DTNB: variants seen among roughly 807,000 people sequenced by gnomAD.
DTNB encodes the protein dystrobrevin beta.
In DTNB, 63 loss-of-function variants were observed where a neutral mutation model predicts 90.7. The observed-to-expected ratio is 0.69, with a 90% CI of 0.57 to 0.86. DTNB has a LOEUF of 0.86. Ranked by LOEUF, DTNB falls within the 40% of genes least tolerant of loss-of-function variation. The probability of loss-of-function intolerance (pLI) is 0.00; values close to 1 mark genes in which losing one functional copy is unlikely to be tolerated. For synonymous variants in DTNB, 277 were observed against 286.7 expected (o/e 0.97, Z 0.34); for missense variants, 744 against 807.1 (o/e 0.92, Z 0.95).
At chr2:25,453,769 C>T (rs1480849719) in intron 11 of DTNB, among the ~76,000 whole-genome samples, 5 of 152,196 alleles carry the variant, frequency 3.3e-5, no homozygotes, top group Non-Finnish European at 5.9e-5. Flanking sequence ...TGAGGAGACA[C>T]TCTGTGATGC....
chr2:25,644,961 G>C (rs779585040), intron 2 of DTNB, among the ~76,000 whole-genome samples: 69 of 152,024 alleles, frequency 4.5e-4, no homozygotes, highest in Non-Finnish European at 5.4e-4. Context: ...CTCAGTGGGT[G>C]AACTAGGAAA....
At chr2:25,662,369 A>G (rs530945442) in intron 1 of DTNB, among the ~76,000 whole-genome samples, 9 of 152,226 alleles carry the variant, frequency 5.9e-5, no homozygotes, top group Non-Finnish European at 1.2e-4. Flanking sequence ...GCAGGGCTAC[A>G]TTTATCGAGA....
chr2:25,550,725 C>T (rs2083465979), intron 8 of DTNB, among the ~76,000 whole-genome samples: 1 of 152,176 alleles, frequency 6.6e-6, no homozygotes, highest in Non-Finnish European at 1.5e-5. Flanking sequence ...TCTTGGCTCA[C>T]TGCAACCTCC....
intron 9 of DTNB, among the ~76,000 whole-genome samples, chr2:25,516,077 A>G (rs2075062498): frequency 1.3e-5 from 2 of 152,240 alleles, no homozygotes; most frequent in African/African-American, 4.8e-5. Context: ...AAGGTACTCA[A>G]TATCATTAGT....
chr2:25,669,656 C>A (rs1479411077), intron 1 of DTNB, among the ~76,000 whole-genome samples: 1 of 152,194 alleles, frequency 6.6e-6, no homozygotes, highest in Admixed American at 6.5e-5. Context: ...CCCAACTGTT[C>A]CTCAGTGAGT....
chr2:25,659,189 G>A (rs540771698), intron 1 of DTNB, among the ~76,000 whole-genome samples: 28 of 152,250 alleles, frequency 1.8e-4, no homozygotes, highest in Admixed American at 1.2e-3. Context: ...AAGAGGGTGG[G>A]GGAAAAGGTA....
chr2:25,422,365 GGTAAAT>G (rs2049999976), intron 15 of DTNB, among the ~76,000 whole-genome samples: 1 of 149,298 alleles, frequency 6.7e-6, no homozygotes, highest in Non-Finnish European at 1.5e-5. Flanking sequence ...GAATTCATCT[GGTAAAT>G]GTAAATGAGT....
In DTNB at chr2:25,388,805, C is replaced by CGTGTGTGTGTGTGTGTGTGTGTGT. The variant is rs112323714; in HGVS notation, c.1576-468_1576-445dup. On this transcript the variant is annotated intron_variant, in intron 16 of 20. Coordinates refer to ENST00000406818, the MANE Select transcript of DTNB (RefSeq NM_021907.5). Reference sequence around the variant, plus strand: ...GCAACCTGTGAGTGGAAAGGACATACGTGTGTGTGTGTGTGTGTGTGTGTG... The same window carrying CGTGTGTGTGTGTGTGTGTGTGTGT: ...GCAACCTGTGAGTGGAAAGGACATACGTGTGTGTGTGTGTGTGTGTGTGTGTGTGTGTGTGTGTGTGTGTGTGTG... Among the ~76,000 whole-genome samples, 182 of 149,250 alleles carry CGTGTGTGTGTGTGTGTGTGTGTGT rather than the reference C, an allele frequency of 1.2e-3. 1 individual carries two copies. Among genetic ancestry groups the CGTGTGTGTGTGTGTGTGTGTGTGT allele is most frequent in the Middle Eastern group, 7.0e-3 (2 of 286 alleles).
intron 9 of DTNB, among the ~76,000 whole-genome samples, chr2:25,503,943 T>C (rs2071542183): frequency 6.6e-6 from 1 of 151,304 alleles, no homozygotes; most frequent in South Asian, 2.1e-4. Flanking sequence ...AAAACAGTTT[T>C]ATTTACAATA....
At chr2:25,667,749 A>T (rs2084823084) in intron 1 of DTNB, among the ~76,000 whole-genome samples, 2 of 152,184 alleles carry the variant, frequency 1.3e-5, no homozygotes, top group Admixed American at 6.5e-5. Flanking sequence ...CATTCGACCC[A>T]GCAATCACTC....
At chr2:25,586,510 C>CAAA (rs1299315782) in intron 6 of DTNB, among the ~76,000 whole-genome samples, 3 of 53,816 alleles carry the variant, frequency 5.6e-5, no homozygotes, top group African/African-American at 1.4e-4. Flanking sequence ...ACTCTGTCTC[C>CAAA]AAAAAAAAAA....
chr2:25,408,409 T>C lies in DTNB; in HGVS notation c.1575+11106A>G, dbSNP rs2045777922. On this transcript the variant is annotated intron_variant, in intron 16 of 20. Transcript: ENST00000406818. ...CAAAAATTAGTTGGGTGTGGTGACGTGCACCTGTAGTCCCAGCTACTCAGG... is the reference window on the plus strand; with the variant it reads ...CAAAAATTAGTTGGGTGTGGTGACGCGCACCTGTAGTCCCAGCTACTCAGG... Among the ~76,000 whole-genome samples the C allele has an allele frequency of 2.0e-5, 3 of 150,230 alleles. No homozygotes were observed. In the South Asian group the frequency reaches 6.3e-4, roughly 32 times the overall value.
At chr2:25,538,181 G>A (rs576749376) in intron 8 of DTNB, among the ~76,000 whole-genome samples, 2 of 152,038 alleles carry the variant, frequency 1.3e-5, no homozygotes, top group Non-Finnish European at 2.9e-5. Flanking sequence ...CCAGGAGTTC[G>A]TGATCAGCCT....
chr2:25,438,608 G>C (rs1326971506), intron 12 of DTNB, among the ~76,000 whole-genome samples: 1 of 152,222 alleles, frequency 6.6e-6, no homozygotes, highest in Non-Finnish European at 1.5e-5. Flanking sequence ...ACATGGGGAA[G>C]AACAGACAAA....
intron 2 of DTNB, among the ~76,000 whole-genome samples, chr2:25,646,372 T>C (rs2079454408): frequency 6.6e-6 from 1 of 151,774 alleles, no homozygotes; most frequent in South Asian, 2.1e-4. Context: ...CTTGGGAGGC[T>C]GAGACAGGAG....
intron 19 of DTNB, among the ~76,000 whole-genome samples, chr2:25,382,534 T>TC (rs1178247097): frequency 1.4e-5 from 2 of 141,498 alleles, no homozygotes; most frequent in African/African-American, 2.7e-5. Context: ...TTTTTTTTTT[T>TC]TTTTTTTTTT....
At chr2:25,461,804 T>TTGA (rs1474552720) in intron 10 of DTNB, among the ~76,000 whole-genome samples, 1 of 152,230 alleles carries the variant, frequency 6.6e-6, no homozygotes, top group Non-Finnish European at 1.5e-5. Flanking sequence ...AGTAAGTGTT[T>TTGA]TGATGAGCGG....
intron 10 of DTNB, among the ~76,000 whole-genome samples, chr2:25,465,490 A>T (rs2061625663): frequency 6.6e-6 from 1 of 152,236 alleles, no homozygotes; most frequent in Non-Finnish European, 1.5e-5. Context: ...AAATCTTATT[A>T]AAAATGCTTT....
chr2:25,380,570 TACAG>T, intron 19 of DTNB, among the ~76,000 whole-genome samples: 1 of 152,328 alleles, frequency 6.6e-6, no homozygotes, highest in South Asian at 2.1e-4. Flanking sequence ...CACATAGACA[TACAG>T]ACATTCTGGT....
Sources: gnomAD v4.1 joint callset for allele counts (sites outside exome capture counted in the v4.1 genomes callset) on GRCh38, gnomAD v4.1.1 for gene constraint, MANE v1.5 for transcripts, NCBI Gene and HGNC (gene_info 2026-07-23, HGNC 2026-07-21) for gene names.